Variants in HEXB observed in about 807,000 individuals in gnomAD.
HEXB encodes hexosaminidase subunit beta.
HEXB carries 51 observed loss-of-function variants against 71.2 expected under a neutral mutation model. The ratio of observed to expected loss-of-function variants is 0.72; its 90% confidence interval spans 0.57 to 0.90. The LOEUF (loss-of-function observed/expected upper bound fraction) is 0.90. HEXB is among the 40% of genes least tolerant of loss of function. The probability of loss-of-function intolerance (pLI) is 0.00; values close to 1 mark genes in which losing one functional copy is unlikely to be tolerated. For missense variants in HEXB, 617 were observed against 677.0 expected (o/e 0.91, Z 0.98); for synonymous variants, 266 against 249.3 (o/e 1.07, Z -0.63).
Position 74,652,335 on chromosome 5 carries a change from C to CA in HEXB, c.-377+11778dup, listed in dbSNP as rs1748128890. Among the ~76,000 whole-genome samples, 1 of 152,136 alleles carries CA rather than the reference C, an allele frequency of 6.6e-6. No individual in the cohort carries two copies. Among genetic ancestry groups the CA allele is most frequent in the Admixed American group, 6.5e-5 (1 of 15,282 alleles). ...AATCCAGACCCCTCGCTTTCTTTTT[C>CA]AGAGCTGTGCTCTCCTAGTGTGTGG... On this transcript the variant is annotated intron_variant, in intron 1 of 13. Transcript: ENST00000511181. This position sits in a 1 kb window ranked among gnomAD's most constrained non-coding sequence, Gnocchi z 5.4.
rs1748127730 is a variant in HEXB at position 74,652,286 on chromosome 5, A to C, written c.-377+11728A>C. 6.6e-6 allele frequency among the ~76,000 whole-genome samples: 1 copy of C among 152,186 alleles called. No homozygotes were observed. The highest frequency in any genetic ancestry group is 6.5e-5 in the Admixed American group (1 of 15,286). On this transcript the variant is annotated intron_variant, in intron 1 of 13. Transcript: ENST00000511181. The surrounding 1 kb of genome is among the most constrained non-coding windows in gnomAD (Gnocchi z 5.4). Reference sequence around the variant, plus strand: ...GGCAATGATGCGTTTGAACTTGTGCAAGAATCCAGTTATTAAATGGCAGAA... The same window carrying C: ...GGCAATGATGCGTTTGAACTTGTGCCAGAATCCAGTTATTAAATGGCAGAA...
intron 5 of HEXB, among the ~76,000 whole-genome samples, chr5:74,698,273 C>T (rs974085747): frequency 1.3e-5 from 2 of 151,478 alleles, no homozygotes; most frequent in African/African-American, 2.4e-5. Flanking sequence ...GACGGGGTTT[C>T]TCCATGTTGA....
intron 1 of HEXB, among the ~76,000 whole-genome samples, chr5:74,671,208 C>T (rs954000430): frequency 4.6e-5 from 7 of 152,122 alleles, no homozygotes; most frequent in Admixed American, 2.6e-4. Flanking sequence ...AAATAATAAT[C>T]GTCTCCTCAT....
chr5:74,672,782 C>T (rs1164991745), intron 1 of HEXB, among the ~76,000 whole-genome samples: 1 of 152,208 alleles, frequency 6.6e-6, no homozygotes. Flanking sequence ...CCAGTCCCCT[C>T]CCGGTTCAGC....
chr5:74,670,286 A>G (rs1289372864), intron 1 of HEXB, among the ~76,000 whole-genome samples: 1 of 150,148 alleles, frequency 6.7e-6, no homozygotes, highest in Non-Finnish European at 1.5e-5. Context: ...CACACTCCCT[A>G]TTCTGAGCCC....
chr5:74,669,947 T>C (rs1357541379), intron 1 of HEXB, among the ~76,000 whole-genome samples: 1 of 152,114 alleles, frequency 6.6e-6, no homozygotes, highest in African/African-American at 2.4e-5. Context: ...ATAAGTGATA[T>C]AAAACTGTGG....
chr5:74,699,080 G>A (rs1749187062), intron 5 of HEXB, among the ~76,000 whole-genome samples: 1 of 152,050 alleles, frequency 6.6e-6, no homozygotes, highest in Non-Finnish European at 1.5e-5. Context: ...AGCTACTTGG[G>A]AGGCTGAGAC....
chr5:74,685,417 G>A lies in HEXB; in HGVS notation c.157G>A (p.Gly53Arg). The change falls in exon 1 of 14, where the codon GGG becomes AGG. Residue 53 changes from glycine (G) to arginine (R), a missense_variant. Transcript: ENST00000261416. ...ARAPSVSAKPGPALWPLPLLV... is the reference protein window; with the variant it reads ...ARAPSVSAKPRPALWPLPLLV... ...GGCCCCGAGCGTCTCGGCCAAGCCG[G>A]GGCCGGCGCTGTGGCCCCTGCCGCT... The A allele has an allele frequency of 6.2e-7, 1 of 1,600,916 alleles. No individual in the cohort carries two copies. Among genetic ancestry groups the A allele is most frequent in the Non-Finnish European group, 8.5e-7 (1 of 1,175,388 alleles).
intron 5 of HEXB, among the ~76,000 whole-genome samples, chr5:74,703,058 T>G (rs968948846): frequency 1.1e-4 from 17 of 152,218 alleles, no homozygotes; most frequent in Admixed American, 8.5e-4. Flanking sequence ...GTTCAAGCGA[T>G]TCTCCTGCCT....
At chr5:74,647,111 G>A (rs1250447853) in intron 1 of HEXB, among the ~76,000 whole-genome samples, 1 of 152,152 alleles carries the variant, frequency 6.6e-6, no homozygotes, top group East Asian at 1.9e-4. Flanking sequence ...GTGGGGTGTG[G>A]CTTTGCACAA....
intron 5 of HEXB, among the ~76,000 whole-genome samples, chr5:74,697,587 G>A (rs192139365): frequency 5.9e-5 from 9 of 152,108 alleles, no homozygotes; most frequent in Non-Finnish European, 8.8e-5. Context: ...TTAGCCAGGC[G>A]TGGTAGCGTG....
intron 1 of HEXB, among the ~76,000 whole-genome samples, chr5:74,655,076 T>C (rs1316236452): frequency 6.6e-6 from 1 of 151,648 alleles, no homozygotes; most frequent in Non-Finnish European, 1.5e-5. Context: ...CAAGAGAGGC[T>C]CCCAGAGAGG....
At chr5:74,685,106 C>A (rs1748824350), upstream of HEXB, 1 of 800,984 alleles carries the variant, frequency 1.2e-6, no homozygotes. Context: ...GGCGAGGACG[C>A]TCCCGGGGCC....
chr5:74,665,468 C>G (rs766318), intron 1 of HEXB, among the ~76,000 whole-genome samples: 49,859 of 151,772 alleles, frequency 0.33, 8,534 homozygotes, highest in Admixed American at 0.41. Flanking sequence ...ATAGCAGCCC[C>G]GTGGACAGTG....
At chr5:74,653,911 T>TAG (rs1436932516) in intron 1 of HEXB, among the ~76,000 whole-genome samples, 8 of 152,150 alleles carry the variant, frequency 5.3e-5, no homozygotes, top group Admixed American at 5.2e-4. Flanking sequence ...GGGTGTGGTC[T>TAG]AGTTGCAGGC....
rs183318981 is a variant in HEXB at position 74,652,630 on chromosome 5, T to A, written c.-377+12072T>A. ...TAGTTTGGTGGAAACTTCATTTGAGTCATGTAAGGGATTCCCTCCCTTACC... is the reference window on the plus strand; with the variant it reads ...TAGTTTGGTGGAAACTTCATTTGAGACATGTAAGGGATTCCCTCCCTTACC... On this transcript the variant is annotated intron_variant, in intron 1 of 13. Coordinates refer to the HEXB transcript ENST00000511181. The surrounding 1 kb of genome is among the most constrained non-coding windows in gnomAD (Gnocchi z 5.4). Among the ~76,000 whole-genome samples, 11 of 152,254 alleles carry A rather than the reference T, an allele frequency of 7.2e-5. No individual in the cohort carries two copies. In the East Asian group the frequency reaches 1.9e-3, roughly 27 times the overall value.
intron 1 of HEXB, among the ~76,000 whole-genome samples, chr5:74,678,080 T>C (rs1748668729): frequency 2.0e-5 from 3 of 152,098 alleles, no homozygotes; most frequent in Non-Finnish European, 2.9e-5. Context: ...GTGGATCACC[T>C]GAGGTCAGGA....
intron 1 of HEXB, among the ~76,000 whole-genome samples, chr5:74,655,080 A>C (rs1456916504): frequency 1.3e-5 from 2 of 151,554 alleles, no homozygotes; most frequent in African/African-American, 4.9e-5. Context: ...AGAGGCTCCC[A>C]GAGAGGGTGG....
intron 2 of HEXB, among the ~76,000 whole-genome samples, chr5:74,692,621 C>T (rs1749028604): frequency 6.6e-6 from 1 of 152,208 alleles, no homozygotes; most frequent in South Asian, 2.1e-4. Context: ...GCTATCTTGT[C>T]AGAAGACTAT....
Sources: allele counts gnomAD v4.1 joint callset (sites outside exome capture counted in the v4.1 genomes callset), GRCh38; gene constraint gnomAD v4.1.1; non-coding constraint Gnocchi (gnomAD v3.1); transcripts MANE v1.5; gene names NCBI Gene and HGNC (gene_info 2026-07-23, HGNC 2026-07-21).